Variants in TP73 observed in about 807,000 individuals in gnomAD.
The protein encoded by TP73 is tumor protein p73.
TP73 carries 25 observed loss-of-function variants against 62.5 expected under a neutral mutation model. The observed-to-expected ratio is 0.40, with a 90% CI of 0.29 to 0.56. The LOEUF (loss-of-function observed/expected upper bound fraction) is 0.56, where lower values mean the gene tolerates loss of function less well. Among genes scored for constraint, TP73 ranks in the 20% least tolerant of loss-of-function variants. The probability of loss-of-function intolerance (pLI) is 0.46; values close to 1 mark genes in which losing one functional copy is unlikely to be tolerated. For synonymous variants in TP73, 423 were observed against 377.5 expected (o/e 1.12, Z -1.40); for missense variants, 754 against 913.3 (o/e 0.83, Z 2.25).
chr1:3,689,943 C>T (rs529928784), intron 3 of TP73, among the ~76,000 whole-genome samples: 12 of 152,328 alleles, frequency 7.9e-5, no homozygotes, highest in African/African-American at 1.9e-4. Flanking sequence ...GAAATTCAGA[C>T]GGCCCAACAG....
At chr1:3,684,187 G>C (rs934545240) in intron 3 of TP73, among the ~76,000 whole-genome samples, 1 of 152,224 alleles carries the variant, frequency 6.6e-6, no homozygotes, top group Non-Finnish European at 1.5e-5. Flanking sequence ...CGCTGGACTC[G>C]TCAGCTGCTC....
At chr1:3,683,023 G>A in intron 2 of TP73, 37 bp from the exon 3 acceptor site, 1 of 1,580,976 alleles carries the variant, frequency 6.3e-7, no homozygotes, top group Non-Finnish European at 8.7e-7. Context: ...CACCCAAACT[G>A]GGGACTGACG....
Position 3,670,480 on chromosome 1 carries a change from C to T in TP73, c.-33-11853C>T, listed in dbSNP as rs577909623. ...AGGAGTTCGAGAGCAACCTGGCCAA[C>T]ATGGTGAACCCTGTCTCTACTAAAA... On this transcript the variant is annotated intron_variant, in intron 1 of 13. Coordinates refer to ENST00000378295, the MANE Select transcript of TP73 (RefSeq NM_005427.4). This position sits in a 1 kb window ranked among gnomAD's most constrained non-coding sequence, Gnocchi z 5.9. Among the ~76,000 whole-genome samples the T allele has an allele frequency of 6.6e-6, 1 of 151,928 alleles. No homozygotes were observed. Among genetic ancestry groups the T allele is most frequent in the Non-Finnish European group, 1.5e-5 (1 of 67,990 alleles).
At chr1:3,729,196 C>A in intron 9 of TP73, 131 bp from the exon 10 acceptor site, 2 of 1,274,538 alleles carry the variant, frequency 1.6e-6, no homozygotes, top group Non-Finnish European at 2.2e-6. Flanking sequence ...GGATCCTGAG[C>A]CTCTGGGGTG....
chr1:3,703,982 C>T (rs1454167573), intron 3 of TP73, among the ~76,000 whole-genome samples: 2 of 152,200 alleles, frequency 1.3e-5, no homozygotes, highest in Non-Finnish European at 2.9e-5. Context: ...GGAGGGTGGG[C>T]AGGCTGGCAC....
In TP73 at chr1:3,720,296, C is replaced by T. The variant is rs117186389; in HGVS notation, c.430-1725C>T. ...GTTCCTTCCTGTGTTTTAAACAGGA[C>T]TGGGGATGGGCGGCTTCCTGCCTAA... On this transcript the variant is annotated intron_variant, in intron 4 of 13. Coordinates refer to ENST00000378295, the MANE Select transcript of TP73 (RefSeq NM_005427.4). Among the ~76,000 whole-genome samples, 10 of 152,330 alleles carry T rather than the reference C, an allele frequency of 6.6e-5. No homozygotes were observed. The East Asian group carries it at 1.7e-3, about 26-fold the overall frequency.
intron 1 of TP73, among the ~76,000 whole-genome samples, chr1:3,658,573 C>A (rs139183653): frequency 6.6e-6 from 1 of 152,180 alleles, no homozygotes; most frequent in African/African-American, 2.4e-5. Flanking sequence ...TGAGAAAATG[C>A]GTCTTGGCGC....
Position 3,731,004 on chromosome 1 carries a change from A to C in TP73, c.1423A>C (p.Met475Leu). 2 of 1,612,172 alleles carry C rather than the reference A, an allele frequency of 1.2e-6. No individual in the cohort carries two copies. Among genetic ancestry groups the C allele is most frequent in the Non-Finnish European group, 1.7e-6 (2 of 1,179,734 alleles). Residue 475 changes from methionine to leucine, a missense_variant, in exon 12 of 14, where the codon ATG (methionine) becomes CTG (leucine). Physicochemically the swap from Met to Leu is conservative, Grantham distance 15. Transcript: ENST00000378295. ...EMSSSHSAQS[M>L]VSGSHCTPPP... ...GAGCAGCAGCCACAGCGCCCAGTCC[A>C]TGGTCTCGGGGTCCCACTGCACTCC...
intron 3 of TP73, 37 bp downstream of exon 3, chr1:3,683,217 G>A: frequency 6.3e-7 from 1 of 1,575,356 alleles, no homozygotes; most frequent in South Asian, 1.1e-5. Context: ...GAGGACTGGA[G>A]TGGGGACAAC....
At chr1:3,677,689 C>T (rs1645403791) in intron 1 of TP73, among the ~76,000 whole-genome samples, 1 of 137,222 alleles carries the variant, frequency 7.3e-6, no homozygotes, top group South Asian at 2.3e-4. Context: ...TCCTTCCTTC[C>T]CTTTTTTTTT....
At chr1:3,704,582 G>A (rs1250659336) in intron 3 of TP73, among the ~76,000 whole-genome samples, 1 of 152,240 alleles carries the variant, frequency 6.6e-6, no homozygotes, top group Non-Finnish European at 1.5e-5. Flanking sequence ...GTGTGGCCAG[G>A]GCTGACCCCT....
chr1:3,705,548 T>G (rs1639555597), intron 3 of TP73, among the ~76,000 whole-genome samples: 1 of 152,240 alleles, frequency 6.6e-6, no homozygotes. Flanking sequence ...ACCCTTGCAG[T>G]GGAGCCAGGG....
rs182200593 is a variant in TP73, at chr1:3,662,451, T to C, written c.-34+9810T>C. On this transcript the variant is annotated intron_variant, in intron 1 of 13. Coordinates refer to ENST00000378295, the MANE Select transcript of TP73 (RefSeq NM_005427.4). This position sits in a 1 kb window ranked among gnomAD's most constrained non-coding sequence, Gnocchi z 4.4. ...TGGGGCTGCTGCAGGCTGAACCAGC[T>C]ATAGCAGGGGAGTTGACTGGTGAAT... 1.3e-5 allele frequency among the ~76,000 whole-genome samples: 2 copies of C among 152,316 alleles called. No individual in the cohort carries two copies. The highest frequency in any genetic ancestry group is 3.9e-4 in the East Asian group (2 of 5,184).
chr1:3,708,688 C>T (rs1421635984), intron 4 of TP73, among the ~76,000 whole-genome samples: 1 of 152,186 alleles, frequency 6.6e-6, no homozygotes, highest in East Asian at 1.9e-4. Flanking sequence ...GCTGCATGAC[C>T]CCAGCCAGGA....
rs193151534 is a variant in TP73 at position 3,672,464 on chromosome 1, C to T, written c.-33-9869C>T. ...CAGAACGAGGCTGTGGCAGCTCCAG[C>T]GAAGGCGGCTGCGGCCCCATCAGTC... On this transcript the variant is annotated intron_variant, in intron 1 of 13. Transcript: ENST00000378295. The surrounding 1 kb of genome is among the most constrained non-coding windows in gnomAD (Gnocchi z 5.3). Among the ~76,000 whole-genome samples, 22 of 152,152 alleles carry T rather than the reference C, an allele frequency of 1.4e-4. 1 individual carries two copies. In the East Asian group the frequency reaches 3.7e-3, roughly 25 times the overall value.
rs2124557088 is a variant in TP73 at position 3,733,363 on chromosome 1, G to T, written c.*284G>T. 1 of 502,178 alleles carries T rather than the reference G, an allele frequency of 2.0e-6. No homozygotes were observed. Among genetic ancestry groups the T allele is most frequent in the Non-Finnish European group, 3.6e-6 (1 of 281,194 alleles). 31.1% of individuals were successfully genotyped at this position (502,178 alleles called of 1,614,324 possible). A position where few individuals can be genotyped will look rare whatever the true frequency, so the allele number is the denominator to read the frequency against. ...CACTCTCAGCCCTGCCACTGCCCCG[G>T]CGTGCTCCATGGCAGGCGTGGGTGG... On this transcript the variant is annotated 3_prime_UTR_variant, in exon 14 of 14. Coordinates refer to ENST00000378295, the MANE Select transcript of TP73 (RefSeq NM_005427.4).
In TP73 at chr1:3,701,697, C is replaced by T. The variant is rs1015388856; in HGVS notation, c.187-5852C>T. Among the ~76,000 whole-genome samples the T allele has an allele frequency of 5.9e-5, 9 of 152,062 alleles. 1 individual carries two copies. The highest frequency in any genetic ancestry group is 2.1e-4 in the South Asian group (1 of 4,830). On this transcript the variant is annotated intron_variant, in intron 3 of 13. Coordinates refer to ENST00000378295, the MANE Select transcript of TP73 (RefSeq NM_005427.4). The surrounding 1 kb of genome is among the most constrained non-coding windows in gnomAD (Gnocchi z 4.7). ...TTTTTTTTTGTAGTTTTAGTAGAGA[C>T]GGGGTTTCACCATATTGGCTAGGCC... is the stretch of plus-strand genomic sequence containing the variant.
At chr1:3,681,854 G>T (rs575241657) in intron 1 of TP73, among the ~76,000 whole-genome samples, 3 of 151,746 alleles carry the variant, frequency 2.0e-5, no homozygotes, top group Non-Finnish European at 4.4e-5. Context: ...ACAGGGGATC[G>T]TAACAGACCA....
Position 3,663,103 on chromosome 1 carries a change from G to A in TP73, c.-34+10462G>A, listed in dbSNP as rs1415830440. Among the ~76,000 whole-genome samples the A allele has an allele frequency of 1.3e-5, 2 of 152,108 alleles. 1 individual carries two copies. The highest frequency in any genetic ancestry group is 2.9e-5 in the Non-Finnish European group (2 of 68,024). On this transcript the variant is annotated intron_variant, in intron 1 of 13. Coordinates refer to ENST00000378295, the MANE Select transcript of TP73 (RefSeq NM_005427.4). This position sits in a 1 kb window ranked among gnomAD's most constrained non-coding sequence, Gnocchi z 4.7. Reference sequence around the variant, plus strand: ...TCACAGATGGGGAGGCTGAAGCCTGGGAGATCAATTCATGCCACCAAGATC... The same window carrying A: ...TCACAGATGGGGAGGCTGAAGCCTGAGAGATCAATTCATGCCACCAAGATC...
Sources: gnomAD v4.1 joint callset for allele counts (sites outside exome capture counted in the v4.1 genomes callset) on GRCh38, gnomAD v4.1.1 for gene constraint, Gnocchi (gnomAD v3.1) non-coding constraint, MANE v1.5 for transcripts, NCBI Gene and HGNC (gene_info 2026-07-23, HGNC 2026-07-21) for gene names.